FAM9B: variants seen among roughly 807,000 people sequenced by gnomAD.
FAM9B encodes the protein protein FAM9B.
FAM9B carries 18 observed loss-of-function variants against 16.6 expected under a neutral mutation model. The ratio of observed to expected loss-of-function variants is 1.09; its 90% confidence interval spans 0.75 to 1.61. FAM9B has a LOEUF of 1.61. Among genes scored for constraint, FAM9B ranks in the 40% most tolerant of loss-of-function variants. The pLI is 0.00. For synonymous variants in FAM9B, 43 were observed against 42.6 expected (o/e 1.01, Z -0.03); for missense variants, 155 against 136.0 (o/e 1.14, Z -0.70).
In FAM9B at chrX:9,029,423, A is replaced by C; in HGVS notation, c.282-5T>G. The C allele has an allele frequency of 8.8e-7, 1 of 1,131,989 alleles. No homozygotes were observed. The highest frequency in any genetic ancestry group is 1.2e-6 in the Non-Finnish European group (1 of 824,192). The allele number at this position is 1,131,989 out of a possible 1,213,427, so 93.3% of individuals were successfully genotyped here. The stretch of plus-strand genomic sequence containing the variant: ...TGTATATAATCACGTTTCTGCCTGT[A>C]ACACATAATAAGTAACACGGTCATA... On this transcript the variant is annotated splice_polypyrimidine_tract_variant and splice_region_variant and intron_variant, in intron 5 of 8. Coordinates refer to ENST00000327220, the MANE Select transcript of FAM9B (RefSeq NM_205849.3).
At position 9,033,301 on chromosome X, in the gene FAM9B, C is replaced by T. The variant is rs768634326; in HGVS notation, c.-89-226G>A. ...AGCTGCCCCTCACACCTGAACTCCA[C>T]GGCCTCTGCGGGATCCTCGCCGCCC... On this transcript the variant is annotated intron_variant, in intron 1 of 8. Coordinates refer to ENST00000327220, the MANE Select transcript of FAM9B (RefSeq NM_205849.3). The T allele has an allele frequency of 3.3e-5, 35 of 1,063,005 alleles. No homozygotes were observed. In the South Asian group the frequency reaches 8.7e-4, roughly 26 times the overall value. The allele number at this position is 1,063,005 out of a possible 1,213,427, so 87.6% of individuals were successfully genotyped here. A position where few individuals can be genotyped will look rare whatever the true frequency, so the allele number is the denominator to read the frequency against.
chrX:9,028,618 GTACTC>G (rs1920990747), intron 6 of FAM9B, among the ~76,000 whole-genome samples: 1 of 111,636 alleles, frequency 9.0e-6, no homozygotes, highest in Non-Finnish European at 1.9e-5. Flanking sequence ...TCTGACGTAG[GTACTC>G]TTACCATGTC....
chrX:9,030,456 G>A, intron 4 of FAM9B, 96 bp from the exon 5 acceptor site: 3 of 544,886 alleles, frequency 5.5e-6, no homozygotes, highest in South Asian at 5.3e-5. Flanking sequence ...GGGACTTTAT[G>A]GTTCAGCAAT....
intron 5 of FAM9B, 136 bp from the exon 6 acceptor site, chrX:9,029,554 G>A: frequency 2.5e-6 from 1 of 407,480 alleles, no homozygotes; most frequent in Non-Finnish European, 4.2e-6. Flanking sequence ...TCTTCTTTTT[G>A]GAAAAAAGTG....
chrX:9,033,390 G>A (rs984853118), intron 1 of FAM9B: 51 of 974,640 alleles, frequency 5.2e-5, no homozygotes, highest in South Asian at 2.6e-4. Context: ...TGGGAGGGCC[G>A]CTGGGTGACA....
rs1444293818 is a variant in FAM9B at position 9,033,243 on chromosome X, C to A, written c.-89-168G>T. On this transcript the variant is annotated intron_variant, in intron 1 of 8. Transcript: ENST00000327220. ...GTGTCCCCTCCTGTCCTGGCCCGTC[C>A]AGCCCGTCCCCGGGGCTGGCTGCAA... is the stretch of plus-strand genomic sequence containing the variant. 1.2e-5 allele frequency: 13 copies of A among 1,095,567 alleles called. No individual in the cohort carries two copies. In the East Asian group the frequency reaches 4.3e-4, roughly 36 times the overall value. 90.3% of individuals were successfully genotyped at this position (1,095,567 alleles called of 1,213,427 possible).
chrX:9,030,340 T>C lies in FAM9B; in HGVS notation c.202A>G (p.Lys68Glu). 1.7e-6 allele frequency: 2 copies of C among 1,199,905 alleles called. No homozygotes were observed. The highest frequency in any genetic ancestry group is 2.2e-6 in the Non-Finnish European group (2 of 889,022). The change falls in exon 5 of 9, where the codon AAA (lysine) becomes GAA (glutamate). Residue 68 changes from lysine to glutamate, a missense_variant. Coordinates refer to ENST00000327220, the MANE Select transcript of FAM9B (RefSeq NM_205849.3). ...DTAEDLTAKR[K>E]RMKMDKTCSK... ...CAAGTTTTATCCATTTTCATCCTTT[T>C]TCTTTTTGCAGTAAGATCCTCTTTA...
intron 1 of FAM9B, 141 bp downstream of exon 1, chrX:9,033,711 A>C (rs1602139701): frequency 3.7e-5 from 7 of 190,070 alleles, no homozygotes; most frequent in African/African-American, 1.3e-4. Flanking sequence ...GCCCACCCTC[A>C]GGGCCTCGCC....
chrX:9,033,141 G>A, intron 1 of FAM9B, 66 bp from the exon 2 acceptor site: 1 of 1,172,393 alleles, frequency 8.5e-7, no homozygotes, highest in Non-Finnish European at 1.1e-6. Context: ...AAGCCATTGG[G>A]ATCACAGGTT....
chrX:9,031,802 C>T (rs1324176922), intron 4 of FAM9B: 1 of 189,427 alleles, frequency 5.3e-6, no homozygotes, highest in Non-Finnish European at 9.7e-6. Flanking sequence ...TGATATATGA[C>T]TTAATCTGTG....
chrX:9,027,246 G>A (rs1373330183), intron 7 of FAM9B, among the ~76,000 whole-genome samples: 1 of 111,770 alleles, frequency 8.9e-6, no homozygotes, highest in Non-Finnish European at 1.9e-5. Context: ...TTTTGTAAGT[G>A]AATATGCCAT....
rs955671993 is a variant in FAM9B at position 9,027,243 on chromosome X, A to G, written c.492+625T>C. On this transcript the variant is annotated intron_variant, in intron 7 of 8. Coordinates refer to ENST00000327220, the MANE Select transcript of FAM9B (RefSeq NM_205849.3). ...TAGAACCATTACTAATAATTTTGTA[A>G]GTGAATATGCCATAAAACACTCCTG... Among the ~76,000 whole-genome samples the G allele has an allele frequency of 2.2e-4, 25 of 112,102 alleles. 1 individual carries two copies. The highest frequency in any genetic ancestry group is 1.9e-5 in the Non-Finnish European group (1 of 53,228).
chrX:9,025,613 AC>A, intron 7 of FAM9B, 30 bp from the exon 8 acceptor site: 1 of 1,110,749 alleles, frequency 9.0e-7, no homozygotes, highest in Non-Finnish European at 1.2e-6. Context: ...TCACTGACAA[AC>A]CACCACTTTA....
At chrX:9,029,524 G>A (rs1921009403) in intron 5 of FAM9B, 106 bp from the exon 6 acceptor site, 2 of 473,915 alleles carry the variant, frequency 4.2e-6, no homozygotes, top group African/African-American at 2.4e-5. Flanking sequence ...AAAGTAGCAA[G>A]GGAGTAATAG....
Position 9,029,215 on chromosome X carries a change from G to T in FAM9B, c.393+92C>A, listed in dbSNP as rs1308961081. ...CGGGCCCCCCTCTCTGGGCTCATGC[G>T]CTCTTCCTTCTTTGCTGGATTTCTG... On this transcript the variant is annotated intron_variant, in intron 6 of 8. Transcript: ENST00000327220. The T allele has an allele frequency of 1.3e-5, 10 of 759,093 alleles. No homozygotes were observed. The South Asian group carries it at 1.6e-4, about 12-fold the overall frequency. The allele number at this position is 759,093 out of a possible 1,213,427, so 62.6% of individuals were successfully genotyped here.
intron 6 of FAM9B, among the ~76,000 whole-genome samples, chrX:9,028,381 A>G (rs1236029503): frequency 9.0e-6 from 1 of 111,307 alleles, no homozygotes; most frequent in Non-Finnish European, 1.9e-5. Context: ...ACCACCCAAT[A>G]ATGATTGCCT....
At chrX:9,025,724 T>G (rs1920961742) in intron 7 of FAM9B, 141 bp from the exon 8 acceptor site, 1 of 451,733 alleles carries the variant, frequency 2.2e-6, no homozygotes, top group Admixed American at 4.4e-5. Flanking sequence ...AAAACTATAA[T>G]CAATACATGG....
Position 9,033,681 on chromosome X carries a change from G to GGCCCCCCC in FAM9B, c.-90+170_-90+171insGGGGGGGC. On this transcript the variant is annotated intron_variant, in intron 1 of 8. Transcript: ENST00000327220. ...CAGCTCCAGCTCCCTCCCTGCCCTG[G>GGCCCCCCC]CCCACCCCAGCCCACCCTAGCCCAC... is the stretch of plus-strand genomic sequence containing the variant. The GGCCCCCCC allele has an allele frequency of 2.2e-4, 33 of 147,886 alleles. 2 individuals are homozygous for GGCCCCCCC. The highest frequency in any genetic ancestry group is 3.4e-4 in the Non-Finnish European group (31 of 92,270). The allele number at this position is 147,886 out of a possible 1,213,427, so 12.2% of individuals were successfully genotyped here. A position where few individuals can be genotyped will look rare whatever the true frequency, so the allele number is the denominator to read the frequency against.
chrX:9,028,922 C>T (rs1920995623), intron 6 of FAM9B, among the ~76,000 whole-genome samples: 1 of 111,181 alleles, frequency 9.0e-6, no homozygotes, highest in South Asian at 3.8e-4. Flanking sequence ...GCCCATTGCC[C>T]ACTCCCGTGT....
Sources: gnomAD v4.1 joint callset for allele counts (sites outside exome capture counted in the v4.1 genomes callset) on GRCh38, gnomAD v4.1.1 for gene constraint, MANE v1.5 for transcripts, NCBI Gene and HGNC (gene_info 2026-07-23, HGNC 2026-07-21) for gene names.